Variants in CBLN2 observed in about 807,000 individuals in gnomAD.
The protein encoded by CBLN2 is cerebellin-2.
A neutral mutation model predicts 15.0 loss-of-function variants in CBLN2; 7 were observed. That is an observed-to-expected ratio of 0.47 (90% confidence interval 0.27 to 0.88). The LOEUF is 0.88. Among genes scored for constraint, CBLN2 ranks in the 40% least tolerant of loss-of-function variants. The pLI is 0.14. For synonymous variants in CBLN2, 149 were observed against 135.2 expected (o/e 1.10, Z -0.71); for missense variants, 242 against 304.5 (o/e 0.79, Z 1.53).
intron 1 of CBLN2, among the ~76,000 whole-genome samples, chr18:72,561,050 T>C (rs1006212061): frequency 2.6e-5 from 4 of 151,808 alleles, no homozygotes; most frequent in Non-Finnish European, 5.9e-5. Context: ...ATAAATCAAA[T>C]GACTGTGAAT....
chr18:72,546,257 G>A (rs2069157281), upstream of CBLN2, among the ~76,000 whole-genome samples: 2 of 152,098 alleles, frequency 1.3e-5, no homozygotes, highest in African/African-American at 4.8e-5. Flanking sequence ...CTAACACGGT[G>A]AAACCTTGTC....
At chr18:72,574,973 C>T (rs368435409) in intron 1 of CBLN2, among the ~76,000 whole-genome samples, 3 of 152,004 alleles carry the variant, frequency 2.0e-5, no homozygotes, top group South Asian at 2.1e-4. Context: ...CCGGTGAGGA[C>T]GATGAAACAG....
In CBLN2 at chr18:72,597,377, CTT is replaced by C. The variant is rs377527709; in HGVS notation, c.15+40946_15+40947del. ...CAGTTACTCTTGTTCTCTTCCCTCA[CTT>C]TGCCTGAACAAACAGAGTCTCTCAT... On this transcript the variant is annotated intron_variant, in intron 1 of 2. Coordinates refer to the CBLN2 transcript ENST00000581073. 5.5e-4 allele frequency among the ~76,000 whole-genome samples: 84 copies of C among 152,330 alleles called. No individual in the cohort carries two copies. The East Asian group carries it at 8.7e-3, about 16-fold the overall frequency.
chr18:72,539,675 G>A (rs553190925), intron 3 of CBLN2: 1 of 152,284 alleles, frequency 6.6e-6, no homozygotes, highest in South Asian at 2.1e-4. Flanking sequence ...TTCATAAGCA[G>A]AATTTCAAGA....
intron 1 of CBLN2, among the ~76,000 whole-genome samples, chr18:72,570,180 C>T (rs1410916582): frequency 6.6e-6 from 1 of 151,966 alleles, no homozygotes; most frequent in Non-Finnish European, 1.5e-5. Context: ...CGATACTTAA[C>T]CTTATATGTG....
intron 1 of CBLN2, among the ~76,000 whole-genome samples, chr18:72,603,638 C>T (rs1438202973): frequency 6.6e-6 from 1 of 152,170 alleles, no homozygotes; most frequent in African/African-American, 2.4e-5. Flanking sequence ...TCAAGCCCGC[C>T]TGCAACTTCC....
At chr18:72,604,494 G>T (rs1830079714) in intron 1 of CBLN2, among the ~76,000 whole-genome samples, 2 of 152,130 alleles carry the variant, frequency 1.3e-5, no homozygotes. Context: ...CACAATTTAT[G>T]AAACAGTCAT....
chr18:72,619,850 A>C, intron 1 of CBLN2, among the ~76,000 whole-genome samples: 1 of 152,230 alleles, frequency 6.6e-6, no homozygotes, highest in East Asian at 1.9e-4. Flanking sequence ...GATTTGTGAC[A>C]GAGGTGCCTT....
At chr18:72,585,080 T>C (rs1225939969) in intron 1 of CBLN2, among the ~76,000 whole-genome samples, 1 of 152,164 alleles carries the variant, frequency 6.6e-6, no homozygotes, top group Non-Finnish European at 1.5e-5. Context: ...AATGCAATGG[T>C]GCCCAGAAGC....
In CBLN2 at chr18:72,543,473, CG is replaced by C. The variant is rs2069133753; in HGVS notation, c.-167+12del. ...CTTGCATGCGGAGGGGAGGGCAGGT[CG>C]GGGGTGGTTACCTGGAACATCCATG... On this transcript the variant is annotated intron_variant, in intron 2 of 4. Transcript: ENST00000269503. This position sits in a 1 kb window ranked among gnomAD's most constrained non-coding sequence, Gnocchi z 6.8. 3 of 398,584 alleles carry C rather than the reference CG, an allele frequency of 7.5e-6. No homozygotes were observed. Among genetic ancestry groups the C allele is most frequent in the African/African-American group, 2.1e-5 (1 of 48,594 alleles). 24.7% of individuals were successfully genotyped at this position (398,584 alleles called of 1,614,324 possible). A position where few individuals can be genotyped will look rare whatever the true frequency, so the allele number is the denominator to read the frequency against.
chr18:72,616,404 C>T (rs1253620385), intron 1 of CBLN2, among the ~76,000 whole-genome samples: 2 of 152,148 alleles, frequency 1.3e-5, no homozygotes, highest in East Asian at 1.9e-4. Context: ...TATAGGAACT[C>T]GCCTTTGGGT....
At chr18:72,635,173 T>C (rs1017710577) in intron 1 of CBLN2, among the ~76,000 whole-genome samples, 1 of 152,124 alleles carries the variant, frequency 6.6e-6, no homozygotes, top group Admixed American at 6.6e-5. Context: ...GTAGCATTAA[T>C]TTCAGTCTCA....
intron 1 of CBLN2, among the ~76,000 whole-genome samples, chr18:72,629,400 A>G (rs1294818274): frequency 6.6e-6 from 1 of 152,120 alleles, no homozygotes; most frequent in Non-Finnish European, 1.5e-5. Flanking sequence ...AGTATCCTTT[A>G]TAAGAGTAAA....
At chr18:72,592,122 G>A (rs1305516984) in intron 1 of CBLN2, among the ~76,000 whole-genome samples, 1 of 152,070 alleles carries the variant, frequency 6.6e-6, no homozygotes, top group Non-Finnish European at 1.5e-5. Flanking sequence ...GACAAGTAGT[G>A]TACAAAGATT....
chr18:72,609,943 T>C (rs1470237102), intron 1 of CBLN2, among the ~76,000 whole-genome samples: 1 of 152,146 alleles, frequency 6.6e-6, no homozygotes, highest in Non-Finnish European at 1.5e-5. Context: ...TCCTGCCACC[T>C]CTACGCCTGT....
intron 1 of CBLN2, among the ~76,000 whole-genome samples, chr18:72,569,249 A>G (rs902325484): frequency 1.3e-5 from 2 of 152,166 alleles, no homozygotes; most frequent in Non-Finnish European, 2.9e-5. Context: ...TTAGATGTTA[A>G]TATAACAATA....
intron 1 of CBLN2, among the ~76,000 whole-genome samples, chr18:72,602,524 T>C (rs2069555583): frequency 1.3e-5 from 2 of 152,148 alleles, no homozygotes; most frequent in South Asian, 2.1e-4. Flanking sequence ...CACGCTGTGA[T>C]AGTCAGCTGC....
intron 1 of CBLN2, among the ~76,000 whole-genome samples, chr18:72,566,725 T>C (rs959988561): frequency 1.3e-5 from 2 of 152,190 alleles, no homozygotes; most frequent in Admixed American, 6.5e-5. Context: ...TACGTTCTGG[T>C]ATTCTATTCC....
chr18:72,605,202 CTTTAT>C (rs1008486972), intron 1 of CBLN2, among the ~76,000 whole-genome samples: 3 of 152,132 alleles, frequency 2.0e-5, no homozygotes, highest in African/African-American at 4.8e-5. Context: ...ATATGCACAT[CTTTAT>C]TTTATTTTAT....
Sources: gnomAD v4.1 joint callset for allele counts (sites outside exome capture counted in the v4.1 genomes callset) on GRCh38, gnomAD v4.1.1 for gene constraint, Gnocchi (gnomAD v3.1) non-coding constraint, MANE v1.5 for transcripts, NCBI Gene and HGNC (gene_info 2026-07-23, HGNC 2026-07-21) for gene names.